Variants in TBXAS1 observed in about 807,000 individuals in gnomAD.
TBXAS1 encodes thromboxane A synthase 1, also known as thromboxane-A synthase.
TBXAS1 carries 48 observed loss-of-function variants against 60.7 expected under a neutral mutation model. The ratio of observed to expected loss-of-function variants is 0.79; its 90% CI spans 0.63 to 1.01. The LOEUF (loss-of-function observed/expected upper bound fraction) is 1.01, where lower values mean the gene tolerates loss of function less well. Among genes scored for constraint, TBXAS1 ranks in the 50% least tolerant of loss-of-function variants. TBXAS1 has a pLI of 0.00. For synonymous variants in TBXAS1, 287 were observed against 269.7 expected, an observed-to-expected ratio of 1.06 and a Z score of -0.63; for missense variants, 685 against 686.3, an observed-to-expected ratio of 1.00 and a Z score of 0.02.
Position 139,919,782 on chromosome 7 carries a change from T to C in TBXAS1, c.333+8461T>C, listed in dbSNP as rs140553893. 4.9e-3 allele frequency among the ~76,000 whole-genome samples: 744 copies of C among 152,338 alleles called. 1 individual carries two copies. The highest frequency in any genetic ancestry group is 7.8e-3 in the Admixed American group (119 of 15,304). On this transcript the variant is annotated intron_variant, in intron 4 of 12. Coordinates refer to ENST00000448866, the MANE Select transcript of TBXAS1 (RefSeq NM_001061.7). ...ATGCACCCATGGAATGCCGAGGTGT[T>C]GGTTTTCTTCAATAACCTGCTCCTC...
chr7:139,927,947 C>T (rs1159412600), intron 4 of TBXAS1, among the ~76,000 whole-genome samples: 1 of 152,118 alleles, frequency 6.6e-6, no homozygotes, highest in Non-Finnish European at 1.5e-5. Context: ...ATGCCATCTA[C>T]AAATAAATAG....
intron 9 of TBXAS1, among the ~76,000 whole-genome samples, chr7:140,005,087 C>T (rs1373984266): frequency 6.6e-6 from 1 of 152,194 alleles, no homozygotes; most frequent in Non-Finnish European, 1.5e-5. Flanking sequence ...TGGGAGGCAG[C>T]CACAGGTGGA....
intron 4 of TBXAS1, among the ~76,000 whole-genome samples, chr7:139,813,555 T>C (rs185639556): frequency 1.1e-3 from 166 of 152,360 alleles, no homozygotes; most frequent in African/African-American, 3.8e-3. Flanking sequence ...TTTTGAATGA[T>C]AACATCCATC....
At chr7:139,854,181 G>C (rs1172286390) in intron 1 of TBXAS1, among the ~76,000 whole-genome samples, 1 of 151,952 alleles carries the variant, frequency 6.6e-6, no homozygotes, top group African/African-American at 2.4e-5. Flanking sequence ...CTTAAATTTT[G>C]TACCCTAGGT....
chr7:139,879,514 T>A (rs566124465), intron 3 of TBXAS1, among the ~76,000 whole-genome samples: 2 of 152,286 alleles, frequency 1.3e-5, no homozygotes, highest in African/African-American at 4.8e-5. Context: ...GAGCCCCAAG[T>A]TGGATTTATA....
intron 4 of TBXAS1, among the ~76,000 whole-genome samples, chr7:139,799,129 T>G (rs965462483): frequency 1.3e-5 from 2 of 149,058 alleles, no homozygotes; most frequent in African/African-American, 2.5e-5. Flanking sequence ...AGTATAGTGG[T>G]GCAATCCCTG....
intron 2 of TBXAS1, among the ~76,000 whole-genome samples, chr7:139,781,999 G>A (rs1797012972): frequency 6.6e-6 from 1 of 151,740 alleles, no homozygotes; most frequent in African/African-American, 2.4e-5. Flanking sequence ...GTAGAAGGAT[G>A]GGGAGGGCTA....
intron 8 of TBXAS1, among the ~76,000 whole-genome samples, chr7:139,960,556 A>G (rs1012706430): frequency 7.9e-5 from 12 of 151,840 alleles, no homozygotes; most frequent in Non-Finnish European, 1.3e-4. Context: ...GACCAGCCTG[A>G]CCAACATGGT....
intron 9 of TBXAS1, among the ~76,000 whole-genome samples, chr7:139,973,232 C>A (rs1349584427): frequency 1.3e-5 from 2 of 152,182 alleles, no homozygotes; most frequent in African/African-American, 4.8e-5. Flanking sequence ...GGGCTTGAAT[C>A]CTGCTGACAA....
intron 4 of TBXAS1, among the ~76,000 whole-genome samples, chr7:139,919,990 C>G (rs1481465316): frequency 6.6e-6 from 1 of 152,214 alleles, no homozygotes; most frequent in Admixed American, 6.5e-5. Flanking sequence ...GTTGCTCCAT[C>G]ATTATTCACA....
intron 1 of TBXAS1, among the ~76,000 whole-genome samples, chr7:139,857,911 T>C (rs531697528): frequency 4.6e-5 from 7 of 151,962 alleles, no homozygotes; most frequent in Admixed American, 2.6e-4. Context: ...TAAAAATTTT[T>C]TTTGTAGAGG....
chr7:139,856,245 C>G (rs1800578095), intron 1 of TBXAS1, among the ~76,000 whole-genome samples: 1 of 152,138 alleles, frequency 6.6e-6, no homozygotes, highest in East Asian at 1.9e-4. Context: ...GAGCGAGAGT[C>G]CTTTAAAATG....
chr7:139,868,642 C>T lies in TBXAS1; in HGVS notation c.90-3593C>T, dbSNP rs1276264321. Among the ~76,000 whole-genome samples the T allele has an allele frequency of 3.3e-5, 5 of 150,102 alleles. 1 individual carries two copies. ...GGGACTATAGGTGTGTGCCACCACA[C>T]CTGGCTAATATTTTTTTTTTTTTTT... On this transcript the variant is annotated intron_variant, in intron 1 of 12. Transcript: ENST00000448866.
chr7:139,872,197 T>G, intron 1 of TBXAS1, 38 bp from the exon 2 acceptor site: 3 of 1,584,550 alleles, frequency 1.9e-6, no homozygotes, highest in Non-Finnish European at 2.6e-6. Flanking sequence ...TGAGTGCAAC[T>G]TCATTTCTCA....
intron 2 of TBXAS1, among the ~76,000 whole-genome samples, chr7:139,781,695 C>T (rs891472498): frequency 5.9e-5 from 9 of 151,826 alleles, no homozygotes; most frequent in African/African-American, 2.2e-4. Context: ...ATTAGCCAGA[C>T]GTGGCGGTGG....
Position 139,957,758 on chromosome 7 carries a change from C to G in TBXAS1, c.813C>G (p.Ala271=), listed in dbSNP as rs1391736932. 2.5e-6 allele frequency: 4 copies of G among 1,613,928 alleles called. No homozygotes were observed. The highest frequency in any genetic ancestry group is 1.7e-6 in the Non-Finnish European group (2 of 1,179,978). ...TTGCCTTGCGGGACCAGCAAGCTGC[C>G]GAAGAGGTAACGTATTTTAATAGGA... The part of the protein sequence containing the change: ...NVIALRDQQA[A]EERRRDFLQM... The change falls in exon 8 of 13, where the codon GCC becomes GCG. Residue 271 remains alanine, a synonymous_variant. Coordinates refer to ENST00000448866, the MANE Select transcript of TBXAS1 (RefSeq NM_001061.7).
intron 3 of TBXAS1, among the ~76,000 whole-genome samples, chr7:139,897,329 C>T (rs556859922): frequency 0.04 from 232 of 5,754 alleles, 4 homozygotes; most frequent in Middle Eastern, 0.13. Context: ...TGGCTCTTGG[C>T]GGTGGGGTGG....
chr7:139,915,631 T>C (rs2117072869), intron 4 of TBXAS1, among the ~76,000 whole-genome samples: 1 of 152,312 alleles, frequency 6.6e-6, no homozygotes, highest in South Asian at 2.1e-4. Flanking sequence ...GAAGCTGGAT[T>C]TAGCTCTGAA....
chr7:139,978,327 T>C (rs1811703803), intron 9 of TBXAS1, among the ~76,000 whole-genome samples: 1 of 151,682 alleles, frequency 6.6e-6, no homozygotes, highest in South Asian at 2.1e-4. Context: ...CTGGTCAACA[T>C]GGTGAAACCC....
Sources: gnomAD v4.1 joint callset for allele counts (sites outside exome capture counted in the v4.1 genomes callset) on GRCh38, gnomAD v4.1.1 for gene constraint, MANE v1.5 for transcripts, NCBI Gene and HGNC (gene_info 2026-07-23, HGNC 2026-07-21) for gene names.